Variants in IQSEC1 observed in about 807,000 individuals in gnomAD.
IQSEC1 encodes the protein IQ motif and Sec7 domain ArfGEF 1.
IQSEC1 carries 31 observed loss-of-function variants against 91.0 expected under a neutral mutation model. The ratio of observed to expected loss-of-function variants is 0.34; its 90% CI spans 0.26 to 0.46. The LOEUF (loss-of-function observed/expected upper bound fraction) is 0.46. IQSEC1 is among the 20% of genes least tolerant of loss of function. The pLI is 1.00. For synonymous variants in IQSEC1, 699 were observed against 662.6 expected (o/e 1.05, Z -0.84); for missense variants, 1,388 against 1,575.6 (o/e 0.88, Z 2.02).
At chr3:13,102,506 G>A in intron 2 of IQSEC1, among the ~76,000 whole-genome samples, 1 of 152,108 alleles carries the variant, frequency 6.6e-6, no homozygotes, top group East Asian at 1.9e-4. Flanking sequence ...GCTCATCTGA[G>A]TAATAGGCGT....
At chr3:12,930,015 C>T (rs753930837) in intron 3 of IQSEC1, among the ~76,000 whole-genome samples, 5 of 152,244 alleles carry the variant, frequency 3.3e-5, no homozygotes, top group Admixed American at 1.3e-4. Context: ...CGTCTTTCAG[C>T]GGCAAGCTGA....
At chr3:13,154,516 A>G (rs357165) in intron 2 of IQSEC1, among the ~76,000 whole-genome samples, 18,813 of 88,492 alleles carry the variant, frequency 0.21, 3,942 homozygotes, top group East Asian at 0.45. Flanking sequence ...TCCGTTATTC[A>G]TTAGACAGTT....
chr3:13,185,756 C>T (rs538731331), intron 1 of IQSEC1, among the ~76,000 whole-genome samples: 1 of 152,364 alleles, frequency 6.6e-6, no homozygotes, highest in African/African-American at 2.4e-5. Flanking sequence ...TTTTACACTG[C>T]ATCCTAATCG....
At chr3:13,195,557 G>T (rs1576290574) in intron 1 of IQSEC1, among the ~76,000 whole-genome samples, 1 of 152,202 alleles carries the variant, frequency 6.6e-6, no homozygotes, top group East Asian at 1.9e-4. Flanking sequence ...ATGAATTATG[G>T]ATACACACGA....
At chr3:13,140,993 G>A (rs867245138) in intron 2 of IQSEC1, among the ~76,000 whole-genome samples, 43 of 152,356 alleles carry the variant, frequency 2.8e-4, no homozygotes, top group Admixed American at 2.6e-4. Flanking sequence ...CAGGGCTGCC[G>A]GACCCTCTGA....
In IQSEC1 at chr3:13,006,673, C is replaced by G. The variant is rs1393109097; in HGVS notation, c.24-64808G>C. Among the ~76,000 whole-genome samples, 3 of 152,364 alleles carry G rather than the reference C, an allele frequency of 2.0e-5. No individual in the cohort carries two copies. The East Asian group carries it at 5.8e-4, about 29-fold the overall frequency. ...TAACTGAAACACACGCGCACACAGCCCCCACTCTAGAGACTGCCAGCTGGT... is the reference window on the plus strand; with the variant it reads ...TAACTGAAACACACGCGCACACAGCGCCCACTCTAGAGACTGCCAGCTGGT... On this transcript the variant is annotated intron_variant, in intron 1 of 13. Transcript: ENST00000613206.
chr3:13,201,641 G>A (rs571948294), intron 1 of IQSEC1, among the ~76,000 whole-genome samples: 6 of 152,332 alleles, frequency 3.9e-5, no homozygotes. Context: ...ACCGTGCCCA[G>A]ACTGCTTTAA....
At chr3:13,002,513 T>C (rs1394667805) in intron 1 of IQSEC1, among the ~76,000 whole-genome samples, 1 of 147,358 alleles carries the variant, frequency 6.8e-6, no homozygotes, top group African/African-American at 2.5e-5. Flanking sequence ...TGCCATTGTA[T>C]TCCAGCCTGG....
At chr3:13,188,186 T>A (rs1423876144) in intron 1 of IQSEC1, among the ~76,000 whole-genome samples, 1 of 152,216 alleles carries the variant, frequency 6.6e-6, no homozygotes, top group Admixed American at 6.5e-5. Context: ...GTTGTGGGCA[T>A]CTGTGGGCTT....
chr3:13,055,114 C>G (rs1704828052), intron 1 of IQSEC1, among the ~76,000 whole-genome samples: 1 of 152,246 alleles, frequency 6.6e-6, no homozygotes, highest in Non-Finnish European at 1.5e-5. Context: ...TGGGGCCCCA[C>G]CACTGGGCAC....
intron 1 of IQSEC1, among the ~76,000 whole-genome samples, chr3:13,056,992 G>A (rs1704902505): frequency 1.3e-5 from 2 of 152,112 alleles, no homozygotes; most frequent in South Asian, 4.2e-4. Context: ...TCCTTACACA[G>A]AGCCCCATCT....
At chr3:13,123,306 G>C (rs1232957018) in intron 2 of IQSEC1, among the ~76,000 whole-genome samples, 1 of 152,214 alleles carries the variant, frequency 6.6e-6, no homozygotes, top group Non-Finnish European at 1.5e-5. Flanking sequence ...ACCTGTAAAT[G>C]ATGTCTGTGG....
intron 1 of IQSEC1, among the ~76,000 whole-genome samples, chr3:13,046,780 G>T (rs1379453458): frequency 2.0e-5 from 3 of 151,920 alleles, no homozygotes; most frequent in African/African-American, 7.3e-5. Flanking sequence ...CCTCTACAAC[G>T]CAGCACAGAT....
intron 1 of IQSEC1, among the ~76,000 whole-genome samples, chr3:13,192,259 C>A (rs1038709662): frequency 9.9e-5 from 15 of 151,646 alleles, no homozygotes; most frequent in African/African-American, 3.2e-4. Context: ...AATGGCGTGA[C>A]CCCGGGAGGC....
chr3:12,985,448 C>A (rs1232339485), intron 1 of IQSEC1, among the ~76,000 whole-genome samples: 1 of 151,956 alleles, frequency 6.6e-6, no homozygotes, highest in Admixed American at 6.5e-5. Flanking sequence ...CCAACTTGGG[C>A]CTTCACTGGG....
chr3:13,037,294 A>G (rs1576199133), intron 1 of IQSEC1, among the ~76,000 whole-genome samples: 1 of 152,080 alleles, frequency 6.6e-6, no homozygotes, highest in African/African-American at 2.4e-5. Context: ...CCTGGTACAA[A>G]CCCTCCATAA....
chr3:13,129,899 C>T (rs1344574395), intron 2 of IQSEC1, among the ~76,000 whole-genome samples: 2 of 151,800 alleles, frequency 1.3e-5, no homozygotes, highest in African/African-American at 4.8e-5. Context: ...ACCTCATGAT[C>T]CACCTGCCTT....
At chr3:13,217,052 A>G (rs1694563799) in intron 1 of IQSEC1, among the ~76,000 whole-genome samples, 1 of 152,204 alleles carries the variant, frequency 6.6e-6, no homozygotes, top group Non-Finnish European at 1.5e-5. Flanking sequence ...CTCCCCCATT[A>G]CAGATGACAA....
At chr3:13,078,517 G>A (rs1705598556) in intron 2 of IQSEC1, among the ~76,000 whole-genome samples, 3 of 152,166 alleles carry the variant, frequency 2.0e-5, no homozygotes, top group African/African-American at 7.2e-5. Context: ...GGGAAGGCCA[G>A]GAGCCTCCTC....
Sources: gnomAD v4.1 joint callset for allele counts (sites outside exome capture counted in the v4.1 genomes callset) on GRCh38, gnomAD v4.1.1 for gene constraint, MANE v1.5 for transcripts, NCBI Gene and HGNC (gene_info 2026-07-23, HGNC 2026-07-21) for gene names.